Variants in LRRC4C observed in about 807,000 individuals in gnomAD.
LRRC4C encodes leucine-rich repeat-containing protein 4C.
A neutral mutation model predicts 33.6 loss-of-function variants in LRRC4C; 5 were observed. The ratio of observed to expected loss-of-function variants is 0.15; its 90% CI spans 0.08 to 0.31. The LOEUF (loss-of-function observed/expected upper bound fraction) is 0.31, where lower values mean the gene tolerates loss of function less well. Ranked by LOEUF, LRRC4C falls within the 10% of genes least tolerant of loss-of-function variation. LRRC4C has a pLI of 1.00. For synonymous variants in LRRC4C, 329 were observed against 302.0 expected (o/e 1.09, Z -0.93); for missense variants, 560 against 796.7 (o/e 0.70, Z 3.58).
intron 3 of LRRC4C, among the ~76,000 whole-genome samples, chr11:40,412,341 T>C (rs1950183839): frequency 6.6e-6 from 1 of 152,128 alleles, no homozygotes; most frequent in Non-Finnish European, 1.5e-5. Context: ...ACTGGTGTTA[T>C]TGACCACACA....
At chr11:40,971,884 C>G (rs1209501812) in intron 1 of LRRC4C, among the ~76,000 whole-genome samples, 1 of 152,188 alleles carries the variant, frequency 6.6e-6, no homozygotes, top group Non-Finnish European at 1.5e-5. Context: ...GATTTAATGA[C>G]TCTCCTGCTG....
intron 1 of LRRC4C, among the ~76,000 whole-genome samples, chr11:41,121,216 T>C (rs957591018): frequency 2.0e-5 from 3 of 152,184 alleles, no homozygotes; most frequent in Non-Finnish European, 2.9e-5. Context: ...CATCTATTTC[T>C]TACAAAAACC....
At chr11:40,539,654 A>G (rs1409245605) in intron 3 of LRRC4C, among the ~76,000 whole-genome samples, 16 of 152,120 alleles carry the variant, frequency 1.1e-4, no homozygotes, top group Admixed American at 1.0e-3. Flanking sequence ...ACAGAGTATC[A>G]CTCTGGTCAT....
intron 1 of LRRC4C, among the ~76,000 whole-genome samples, chr11:41,379,886 G>A (rs1953078693): frequency 6.6e-6 from 1 of 151,906 alleles, no homozygotes; most frequent in African/African-American, 2.4e-5. Flanking sequence ...AAACCAGCTG[G>A]GTTTCCTTAC....
In LRRC4C at chr11:40,643,779, A is replaced by G. The variant is rs534947644; in HGVS notation, c.-270+4363T>C. Among the ~76,000 whole-genome samples the G allele has an allele frequency of 4.5e-4, 68 of 152,254 alleles. 1 individual carries two copies. The South Asian group carries it at 8.1e-3, about 18-fold the overall frequency. ...TAATAAAGAGCCCCTGCCCACTCAT[A>G]TATAAGCAAAGGACAGGTGAAAAAA... On this transcript the variant is annotated intron_variant, in intron 3 of 6. Transcript: ENST00000528697.
chr11:40,159,364 G>A (rs985011910), intron 5 of LRRC4C, among the ~76,000 whole-genome samples: 10 of 152,106 alleles, frequency 6.6e-5, no homozygotes, highest in East Asian at 5.8e-4. Context: ...AACTCTCAGC[G>A]ATCTCATTAG....
chr11:40,584,724 G>C (rs1398779944), intron 3 of LRRC4C, among the ~76,000 whole-genome samples: 2 of 151,952 alleles, frequency 1.3e-5, no homozygotes, highest in African/African-American at 4.8e-5. Context: ...CTGAGGTCAG[G>C]AGTTGAAGAA....
intron 1 of LRRC4C, among the ~76,000 whole-genome samples, chr11:41,036,083 A>G (rs1018416810): frequency 4.6e-5 from 7 of 152,146 alleles, no homozygotes; most frequent in African/African-American, 1.4e-4. Flanking sequence ...TTTCTAAAAA[A>G]AAAACATGGT....
intron 1 of LRRC4C, among the ~76,000 whole-genome samples, chr11:41,223,429 A>G (rs1947392849): frequency 6.6e-6 from 1 of 152,180 alleles, no homozygotes; most frequent in Non-Finnish European, 1.5e-5. Context: ...TAGTGGCTAT[A>G]GTTTTCTCTA....
intron 4 of LRRC4C, among the ~76,000 whole-genome samples, chr11:40,248,615 A>G (rs1283802808): frequency 6.6e-6 from 1 of 152,116 alleles, no homozygotes; most frequent in Admixed American, 6.6e-5. Context: ...AAGCAGGAGG[A>G]TCACCTGAGC....
intron 1 of LRRC4C, among the ~76,000 whole-genome samples, chr11:40,948,204 A>C (rs1331325237): frequency 6.6e-6 from 1 of 152,096 alleles, no homozygotes; most frequent in Non-Finnish European, 1.5e-5. Context: ...ATTCAAAAAT[A>C]TTTCAAGCTT....
At chr11:40,179,030 G>A (rs763017187) in intron 5 of LRRC4C, among the ~76,000 whole-genome samples, 12 of 149,010 alleles carry the variant, frequency 8.1e-5, no homozygotes, top group African/African-American at 3.0e-4. Flanking sequence ...TTTTAGATAC[G>A]GTCTTGCTCA....
At chr11:40,688,723 A>C (rs1001136909) in intron 2 of LRRC4C, among the ~76,000 whole-genome samples, 1 of 152,114 alleles carries the variant, frequency 6.6e-6, no homozygotes, top group African/African-American at 2.4e-5. Flanking sequence ...ATGACATAGA[A>C]GGCCAATTCT....
intron 1 of LRRC4C, among the ~76,000 whole-genome samples, chr11:41,247,836 T>G (rs907547887): frequency 5.2e-5 from 5 of 96,206 alleles, no homozygotes; most frequent in African/African-American, 1.2e-4. Context: ...TGATTCCAAT[T>G]TAAATCAACT....
At chr11:40,590,020 G>A (rs1463352861) in intron 3 of LRRC4C, among the ~76,000 whole-genome samples, 1 of 151,410 alleles carries the variant, frequency 6.6e-6, no homozygotes, top group Non-Finnish European at 1.5e-5. Context: ...TCTGAATGTT[G>A]ACCTGCCTTG....
Position 40,582,839 on chromosome 11 carries a change from A to T in LRRC4C, c.-270+65303T>A, listed in dbSNP as rs566917828. Among the ~76,000 whole-genome samples, 3 of 152,070 alleles carry T rather than the reference A, an allele frequency of 2.0e-5. No homozygotes were observed. The South Asian group carries it at 6.2e-4, about 32-fold the overall frequency. On this transcript the variant is annotated intron_variant, in intron 3 of 6. Coordinates refer to ENST00000528697, the MANE Select transcript of LRRC4C (RefSeq NM_001258419.2). The stretch of plus-strand genomic sequence containing the variant: ...GCCTGTTCAATTTTTTTTTAAATAG[A>T]TGCATAATAATTGTACATATTTATG...
chr11:40,440,880 T>TG, intron 3 of LRRC4C, among the ~76,000 whole-genome samples: 1 of 148,670 alleles, frequency 6.7e-6, no homozygotes, highest in African/African-American at 2.5e-5. Flanking sequence ...TTTTTTTTTT[T>TG]ATTAGTGCAG....
intron 1 of LRRC4C, among the ~76,000 whole-genome samples, chr11:41,412,303 T>C (rs561151936): frequency 2.0e-5 from 3 of 152,224 alleles, no homozygotes; most frequent in Non-Finnish European, 4.4e-5. Context: ...TAATGCTTAA[T>C]AAAAATATGT....
intron 3 of LRRC4C, among the ~76,000 whole-genome samples, chr11:40,406,039 A>G (rs962241770): frequency 6.6e-5 from 10 of 152,126 alleles, no homozygotes; most frequent in African/African-American, 2.4e-4. Context: ...CTTGTCCAAC[A>G]GCTGAATTAA....
Sources: gnomAD v4.1 joint callset for allele counts (sites outside exome capture counted in the v4.1 genomes callset) on GRCh38, gnomAD v4.1.1 for gene constraint, MANE v1.5 for transcripts, NCBI Gene and HGNC (gene_info 2026-07-23, HGNC 2026-07-21) for gene names.